The following GRK5 variants were observed in gnomAD, a reference collection of about 807,000 sequenced individuals.
The protein encoded by GRK5 is G protein-coupled receptor kinase 5, also known as g protein-coupled receptor kinase GRK5.
Under a neutral mutation model 78.4 loss-of-function variants are expected in GRK5, and 40 were observed. The ratio of observed to expected loss-of-function variants is 0.51; its 90% CI spans 0.40 to 0.66. GRK5 has a LOEUF of 0.66. Among genes scored for constraint, GRK5 ranks in the 30% least tolerant of loss-of-function variants. The pLI, the probability that GRK5 is intolerant of heterozygous loss-of-function variation, is 0.00. For missense variants in GRK5, 598 were observed against 759.9 expected (o/e 0.79, Z 2.50); for synonymous variants, 289 against 296.8 (o/e 0.97, Z 0.27).
intron 1 of GRK5, among the ~76,000 whole-genome samples, chr10:119,249,176 C>G (rs1373799352): frequency 6.6e-6 from 1 of 151,250 alleles, no homozygotes; most frequent in Non-Finnish European, 1.5e-5. Flanking sequence ...GAGGCTGAGA[C>G]AGGAGAATAA....
At position 119,419,230 on chromosome 10, in the gene GRK5, C is replaced by T. The variant is rs573132733; in HGVS notation, c.340-3936C>T. Among the ~76,000 whole-genome samples, 4 of 152,334 alleles carry T rather than the reference C, an allele frequency of 2.6e-5. No homozygotes were observed. In the East Asian group the frequency reaches 5.8e-4, roughly 22 times the overall value. On this transcript the variant is annotated intron_variant, in intron 4 of 15. Transcript: ENST00000392870. The stretch of plus-strand genomic sequence containing the variant: ...GGTGCTGAGCTGAGGTTACTCAGAA[C>T]CCCAGAGCCCTCTGAGCTTCTGGGT...
At chr10:119,223,179 C>G (rs564224430) in intron 1 of GRK5, among the ~76,000 whole-genome samples, 32 of 152,112 alleles carry the variant, frequency 2.1e-4, no homozygotes, top group Non-Finnish European at 2.4e-4. Flanking sequence ...CTGTCTTCTC[C>G]CTGTGCGTCT....
chr10:119,390,021 A>G (rs1290093854), intron 3 of GRK5, among the ~76,000 whole-genome samples: 1 of 152,212 alleles, frequency 6.6e-6, no homozygotes, highest in Admixed American at 6.5e-5. Context: ...TAGAACAAAA[A>G]GAGTAATGGG....
intron 6 of GRK5, among the ~76,000 whole-genome samples, chr10:119,429,677 A>G (rs563463098): frequency 6.6e-6 from 1 of 151,930 alleles, no homozygotes; most frequent in Non-Finnish European, 1.5e-5. Context: ...ATTACTTCCA[A>G]TCCGATCTTG....
chr10:119,423,318 A>G (rs775714857), intron 5 of GRK5, 52 bp downstream of exon 5: 2 of 1,256,044 alleles, frequency 1.6e-6, no homozygotes, highest in South Asian at 2.4e-5. Context: ...CAGAGATGGG[A>G]TGCCGCAGCT....
chr10:119,386,937 T>G (rs868415746), intron 3 of GRK5, among the ~76,000 whole-genome samples: 56 of 152,294 alleles, frequency 3.7e-4, no homozygotes, highest in African/African-American at 1.3e-3. Context: ...AAGTGGAGCT[T>G]TTAAAAATAA....
At chr10:119,428,087 A>T (rs1414523638) in intron 6 of GRK5, among the ~76,000 whole-genome samples, 2 of 152,256 alleles carry the variant, frequency 1.3e-5, no homozygotes, top group Non-Finnish European at 2.9e-5. Context: ...ATTACAGGGC[A>T]GTCTAGTGGA....
intron 1 of GRK5, among the ~76,000 whole-genome samples, chr10:119,225,461 T>C (rs1435528966): frequency 6.6e-6 from 1 of 152,158 alleles, no homozygotes; most frequent in East Asian, 1.9e-4. Context: ...AGGCTTGTTG[T>C]CGGGGACACT....
At chr10:119,405,174 C>T (rs1377237359) in intron 4 of GRK5, among the ~76,000 whole-genome samples, 1 of 151,994 alleles carries the variant, frequency 6.6e-6, no homozygotes, top group South Asian at 2.1e-4. Context: ...AAAGGGCCTG[C>T]GTGGGTTCTT....
At chr10:119,341,512 C>T (rs991521222) in intron 2 of GRK5, among the ~76,000 whole-genome samples, 6 of 152,190 alleles carry the variant, frequency 3.9e-5, no homozygotes, top group African/African-American at 7.2e-5. Context: ...ACCTTAGTCC[C>T]CTGCTTCATA....
intron 1 of GRK5, among the ~76,000 whole-genome samples, chr10:119,246,386 A>G (rs529130271): frequency 4.3e-4 from 65 of 152,124 alleles, no homozygotes; most frequent in Non-Finnish European, 7.4e-4. Context: ...CCCCCTCAAG[A>G]GTTTTCAGTT....
At chr10:119,454,709 C>A (rs546344406) in intron 15 of GRK5, among the ~76,000 whole-genome samples, 65 of 152,302 alleles carry the variant, frequency 4.3e-4, no homozygotes, top group African/African-American at 1.5e-3. Flanking sequence ...GGCAGCGTAA[C>A]CCCATGCCTG....
intron 2 of GRK5, among the ~76,000 whole-genome samples, chr10:119,334,125 G>A (rs1042337391): frequency 6.6e-6 from 1 of 152,208 alleles, no homozygotes. Flanking sequence ...GCCAGGTGCA[G>A]CGGTGCAGGC....
At chr10:119,355,946 C>A (rs1486455231) in intron 2 of GRK5, among the ~76,000 whole-genome samples, 1 of 152,184 alleles carries the variant, frequency 6.6e-6, no homozygotes, top group South Asian at 2.1e-4. Context: ...CCCTGAGAAA[C>A]AACCGATGCT....
At chr10:119,401,542 A>G (rs539678705) in intron 4 of GRK5, among the ~76,000 whole-genome samples, 2 of 152,290 alleles carry the variant, frequency 1.3e-5, no homozygotes, top group East Asian at 3.9e-4. Context: ...TTTGGGCTGC[A>G]TGGGTTTGGG....
rs1564859148 is a variant in GRK5, at chr10:119,238,845, C to G, written c.52+30876C>G. On this transcript the variant is annotated intron_variant, in intron 1 of 15. Coordinates refer to ENST00000392870, the MANE Select transcript of GRK5 (RefSeq NM_005308.3). The surrounding 1 kb of genome is among the most constrained non-coding windows in gnomAD (Gnocchi z 4.7). Reference sequence around the variant, plus strand: ...AGGATTAATAGAATCCCCTTTCATTCTTGAAAGGGTCCCTGTTTGGGCAAT... The same window carrying G: ...AGGATTAATAGAATCCCCTTTCATTGTTGAAAGGGTCCCTGTTTGGGCAAT... Among the ~76,000 whole-genome samples the G allele has an allele frequency of 6.6e-6, 1 of 152,052 alleles. No individual in the cohort carries two copies. Among genetic ancestry groups the G allele is most frequent in the Non-Finnish European group, 1.5e-5 (1 of 68,022 alleles).
intron 1 of GRK5, among the ~76,000 whole-genome samples, chr10:119,325,341 T>G (rs1017641688): frequency 1.3e-5 from 2 of 152,030 alleles, no homozygotes; most frequent in Middle Eastern, 3.4e-3. Flanking sequence ...CAGAGCAAGG[T>G]GGAGGACAGG....
intron 1 of GRK5, among the ~76,000 whole-genome samples, chr10:119,234,629 CCTTTT>C (rs1564857765): frequency 1.3e-5 from 2 of 152,020 alleles, no homozygotes; most frequent in African/African-American, 4.8e-5. Context: ...CCCCTCCCCT[CCTTTT>C]CTTTTCTATT....
chr10:119,386,852 C>T (rs2133837853), intron 3 of GRK5, among the ~76,000 whole-genome samples: 1 of 152,310 alleles, frequency 6.6e-6, no homozygotes, highest in South Asian at 2.1e-4. Flanking sequence ...CTTGGTGTTG[C>T]AGTAGCGCCC....
Sources: allele counts gnomAD v4.1 joint callset (sites outside exome capture counted in the v4.1 genomes callset), GRCh38; gene constraint gnomAD v4.1.1; non-coding constraint Gnocchi (gnomAD v3.1); transcripts MANE v1.5; gene names NCBI Gene and HGNC (gene_info 2026-07-23, HGNC 2026-07-21).